Variants in OTUD7A observed in about 807,000 individuals in gnomAD.
The protein encoded by OTUD7A is OTU deubiquitinase 7A, also known as OTU domain-containing protein 7A.
OTUD7A carries 12 observed loss-of-function variants against 65.7 expected under a neutral mutation model. The observed-to-expected ratio is 0.18, with a 90% CI of 0.12 to 0.30. The LOEUF is 0.30. Among genes scored for constraint, OTUD7A ranks in the 10% least tolerant of loss-of-function variants. The pLI is 1.00. For synonymous variants in OTUD7A, 641 were observed against 586.3 expected (o/e 1.09, Z -1.35); for missense variants, 1,148 against 1,304.8 (o/e 0.88, Z 1.85).
At chr15:31,785,333 A>G (rs757128305) in intron 1 of OTUD7A, among the ~76,000 whole-genome samples, 2 of 152,216 alleles carry the variant, frequency 1.3e-5, no homozygotes, top group Non-Finnish European at 2.9e-5. Context: ...TGAATTTTTA[A>G]AAATAAATTC....
rs144562921 is a variant in OTUD7A at position 31,612,753 on chromosome 15, C to T, written c.151+42343G>A. 3.0e-3 allele frequency among the ~76,000 whole-genome samples: 454 copies of T among 152,278 alleles called. 3 individuals carry two copies. The highest frequency in any genetic ancestry group is 0.01 in the African/African-American group (424 of 41,544). ...TCTACAAATTCAACACAATTCCCAT[C>T]AAAATACCATCGTCATTCTTCACAG... On this transcript the variant is annotated intron_variant, in intron 3 of 12. Transcript: ENST00000307050.
chr15:31,663,256 C>T (rs1892218197), intron 1 of OTUD7A, among the ~76,000 whole-genome samples: 1 of 151,416 alleles, frequency 6.6e-6, no homozygotes, highest in Non-Finnish European at 1.5e-5. Context: ...AACACACACA[C>T]ACACACACAC....
intron 3 of OTUD7A, among the ~76,000 whole-genome samples, chr15:31,599,401 C>G (rs1890007633): frequency 6.6e-6 from 1 of 152,180 alleles, no homozygotes; most frequent in South Asian, 2.1e-4. Context: ...CTCCAGCAGG[C>G]CTGCAGCAGA....
chr15:31,638,562 G>GTT (rs71422902), intron 3 of OTUD7A, among the ~76,000 whole-genome samples: 4 of 138,392 alleles, frequency 2.9e-5, no homozygotes, highest in Admixed American at 7.2e-5. Context: ...GTAGGTTTTT[G>GTT]TTTTTTTTTT....
intron 1 of OTUD7A, among the ~76,000 whole-genome samples, chr15:31,722,240 C>T (rs968842256): frequency 2.0e-5 from 3 of 152,186 alleles, no homozygotes; most frequent in Non-Finnish European, 4.4e-5. Context: ...TGGACACAGT[C>T]AGTCCCTCCT....
At chr15:31,645,662 G>A (rs563530133) in intron 3 of OTUD7A, among the ~76,000 whole-genome samples, 1 of 152,258 alleles carries the variant, frequency 6.6e-6, no homozygotes, top group Non-Finnish European at 1.5e-5. Flanking sequence ...ACATTTCCCA[G>A]ATTGTCTTAT....
intron 6 of OTUD7A, among the ~76,000 whole-genome samples, chr15:31,528,629 C>G (rs1314320790): frequency 2.0e-5 from 3 of 152,236 alleles, no homozygotes; most frequent in Non-Finnish European, 2.9e-5. Context: ...AGACCTCTTT[C>G]AGCTGCCTTC....
chr15:31,532,933 C>CAAAAAA (rs35993038), intron 5 of OTUD7A, among the ~76,000 whole-genome samples: 1 of 56,470 alleles, frequency 1.8e-5, no homozygotes, highest in Non-Finnish European at 4.6e-5. Flanking sequence ...GACTCCGTAT[C>CAAAAAA]AAAAAAAAAA....
intron 1 of OTUD7A, among the ~76,000 whole-genome samples, chr15:31,701,695 T>C (rs1185774933): frequency 6.6e-6 from 1 of 151,684 alleles, no homozygotes; most frequent in African/African-American, 2.4e-5. Context: ...CAGGCCTAGA[T>C]GGTTTCACTG....
intron 1 of OTUD7A, among the ~76,000 whole-genome samples, chr15:31,845,352 C>G (rs1897272866): frequency 1.3e-5 from 2 of 152,204 alleles, no homozygotes; most frequent in African/African-American, 4.8e-5. Flanking sequence ...GATTCTGGCC[C>G]CTACTTCTGT....
rs766343664 is a variant in OTUD7A at position 31,484,322 on chromosome 15, CCGACGG to C, written c.1768_1773del (p.Pro590_Ser591del). 1 of 1,598,250 alleles carries C rather than the reference CCGACGG, an allele frequency of 6.3e-7. No homozygotes were observed. Among genetic ancestry groups the C allele is most frequent in the Non-Finnish European group, 8.5e-7 (1 of 1,178,034 alleles). ...TCTGTGGGCGACGGCGTGGTCTTTTCCGACGGCGACGTGCTGGCCGACGCACCAGAC... is the reference window on the plus strand; with the variant it reads ...TCTGTGGGCGACGGCGTGGTCTTTTCCGACGTGCTGGCCGACGCACCAGAC... On this transcript the variant is annotated inframe_deletion, in exon 13 of 13. Coordinates refer to ENST00000307050, the MANE Select transcript of OTUD7A (RefSeq NM_001382637.1). The surrounding 1 kb of genome is among the most constrained non-coding windows in gnomAD (Gnocchi z 4.5).
At chr15:31,789,386 G>A (rs1165545113) in intron 1 of OTUD7A, among the ~76,000 whole-genome samples, 1 of 152,154 alleles carries the variant, frequency 6.6e-6, no homozygotes, top group Non-Finnish European at 1.5e-5. Context: ...TTTTAACACT[G>A]TAAATGTTTC....
At chr15:31,783,510 A>C (rs1247510316) in intron 1 of OTUD7A, among the ~76,000 whole-genome samples, 1 of 152,248 alleles carries the variant, frequency 6.6e-6, no homozygotes, top group African/African-American at 2.4e-5. Flanking sequence ...TCAAACACTC[A>C]AACTTACAAA....
chr15:31,652,284 T>C (rs1891863622), intron 3 of OTUD7A, among the ~76,000 whole-genome samples: 1 of 152,220 alleles, frequency 6.6e-6, no homozygotes, highest in African/African-American at 2.4e-5. Context: ...CAATTGGATA[T>C]CCGTATGCAT....
chr15:31,836,639 C>T (rs1038331970), intron 1 of OTUD7A, among the ~76,000 whole-genome samples: 1 of 152,082 alleles, frequency 6.6e-6, no homozygotes, highest in African/African-American at 2.4e-5. Context: ...AAAAGAATTA[C>T]GTACCATGAC....
chr15:31,556,869 G>GTCA (rs1239366047), intron 5 of OTUD7A: 3 of 152,358 alleles, frequency 2.0e-5, no homozygotes, highest in Non-Finnish European at 4.4e-5. Flanking sequence ...ATCTGAATTA[G>GTCA]TCATATAGAA....
At chr15:31,834,657 G>T (rs924171786) in intron 1 of OTUD7A, among the ~76,000 whole-genome samples, 9 of 152,166 alleles carry the variant, frequency 5.9e-5, no homozygotes, top group African/African-American at 2.2e-4. Flanking sequence ...TAGGCCAATT[G>T]TCGAATCCAA....
At chr15:31,715,439 G>T (rs1241980409) in intron 1 of OTUD7A, among the ~76,000 whole-genome samples, 1 of 151,702 alleles carries the variant, frequency 6.6e-6, no homozygotes, top group Non-Finnish European at 1.5e-5. Flanking sequence ...TTTAGTTCAA[G>T]TGTCTGCTTC....
At chr15:31,632,419 C>T (rs928711513) in intron 3 of OTUD7A, among the ~76,000 whole-genome samples, 5 of 152,206 alleles carry the variant, frequency 3.3e-5, no homozygotes, top group African/African-American at 4.8e-5. Context: ...TGTAGAACAG[C>T]GGTGGCTGTA....
Sources: gnomAD v4.1 joint callset for allele counts (sites outside exome capture counted in the v4.1 genomes callset) on GRCh38, gnomAD v4.1.1 for gene constraint, Gnocchi (gnomAD v3.1) non-coding constraint, MANE v1.5 for transcripts, NCBI Gene and HGNC (gene_info 2026-07-23, HGNC 2026-07-21) for gene names.